The following RNF217 variants were observed in gnomAD, a reference collection of about 807,000 sequenced individuals.
The protein encoded by RNF217 is E3 ubiquitin-protein ligase RNF217.
RNF217 carries 31 observed loss-of-function variants against 57.8 expected under a neutral mutation model. That is an observed-to-expected ratio of 0.54 (90% CI 0.40 to 0.72). The LOEUF is 0.72. Among genes scored for constraint, RNF217 ranks in the 30% least tolerant of loss-of-function variants. The pLI is 0.00. For missense variants in RNF217, 696 were observed against 708.3 expected (o/e 0.98, Z 0.20); for synonymous variants, 313 against 294.0 (o/e 1.06, Z -0.66).
rs1582656046 is a variant in RNF217 at position 124,973,692 on chromosome 6, A to AG, written c.882+10267dup. Among the ~76,000 whole-genome samples, 3 of 152,244 alleles carry AG rather than the reference A, an allele frequency of 2.0e-5. No individual in the cohort carries two copies. The East Asian group carries it at 5.8e-4, about 29-fold the overall frequency. ...AAACCCCAATGACTTGCATCAATCC[A>AG]GTGAACTACTGTGGCCTGAGTCTTT... On this transcript the variant is annotated intron_variant, in intron 1 of 5. Coordinates refer to ENST00000521654, the MANE Select transcript of RNF217 (RefSeq NM_001286398.3).
Position 124,977,611 on chromosome 6 carries a change from C to T in RNF217, c.882+14185C>T, listed in dbSNP as rs114893014. Among the ~76,000 whole-genome samples the T allele has an allele frequency of 4.1e-3, 627 of 152,252 alleles. 1 individual carries two copies. Among genetic ancestry groups the T allele is most frequent in the African/African-American group, 0.014 (599 of 41,540 alleles). On this transcript the variant is annotated intron_variant, in intron 1 of 5. Coordinates refer to ENST00000521654, the MANE Select transcript of RNF217 (RefSeq NM_001286398.3). ...CTTATTACAATCTAAATGGATTTGACAGAGCTCTGTTGGTTTGCTTAGGGT... is the reference window on the plus strand; with the variant it reads ...CTTATTACAATCTAAATGGATTTGATAGAGCTCTGTTGGTTTGCTTAGGGT...
At chr6:125,046,048 T>C (rs1448029763) in intron 2 of RNF217, among the ~76,000 whole-genome samples, 1 of 151,960 alleles carries the variant, frequency 6.6e-6, no homozygotes, top group Non-Finnish European at 1.5e-5. Context: ...TTGAGGACAC[T>C]TGAAGGAGGG....
intron 1 of RNF217, among the ~76,000 whole-genome samples, chr6:125,021,456 G>A (rs548068316): frequency 2.4e-4 from 36 of 151,860 alleles, no homozygotes; most frequent in Non-Finnish European, 5.0e-4. Context: ...TAGTAGAGAC[G>A]GGGTTTCACC....
chr6:125,079,476 A>G (rs1028005373), intron 4 of RNF217, among the ~76,000 whole-genome samples: 2 of 151,950 alleles, frequency 1.3e-5, no homozygotes, highest in Non-Finnish European at 2.9e-5. Flanking sequence ...GCCAGAATTG[A>G]AGAAATACAA....
intron 1 of RNF217, among the ~76,000 whole-genome samples, chr6:125,024,719 C>CAA (rs35985972): frequency 1.1e-3 from 89 of 83,530 alleles, no homozygotes; most frequent in Middle Eastern, 7.9e-3. Flanking sequence ...GACTCTGTCT[C>CAA]AAAAAAAAAA....
At chr6:124,994,675 C>A (rs533066693) in intron 1 of RNF217, among the ~76,000 whole-genome samples, 1 of 152,316 alleles carries the variant, frequency 6.6e-6, no homozygotes, top group East Asian at 1.9e-4. Context: ...TATCCTCAAA[C>A]TACTACATCC....
chr6:125,052,854 G>A (rs1373403891), intron 2 of RNF217, among the ~76,000 whole-genome samples: 2 of 152,070 alleles, frequency 1.3e-5, no homozygotes, highest in Admixed American at 1.3e-4. Context: ...TGACAGCCAT[G>A]ATTTTTACAT....
At chr6:125,053,674 A>C (rs147726791) in intron 2 of RNF217, among the ~76,000 whole-genome samples, 9 of 152,036 alleles carry the variant, frequency 5.9e-5, no homozygotes, top group Non-Finnish European at 1.3e-4. Context: ...AGAAAATGCC[A>C]TTTTCTTAGG....
intron 1 of RNF217, among the ~76,000 whole-genome samples, chr6:125,000,774 T>G (rs1270619887): frequency 6.6e-6 from 1 of 152,110 alleles, no homozygotes; most frequent in Non-Finnish European, 1.5e-5. Flanking sequence ...TCTAGCAGTG[T>G]GCCGTATTAC....
chr6:125,080,470 G>A (rs1788532295), intron 4 of RNF217, among the ~76,000 whole-genome samples: 1 of 151,992 alleles, frequency 6.6e-6, no homozygotes, highest in South Asian at 2.1e-4. Flanking sequence ...CTAAATTACT[G>A]TCCTTTAATT....
chr6:125,038,028 C>T (rs1562480539), intron 1 of RNF217, among the ~76,000 whole-genome samples: 1 of 152,128 alleles, frequency 6.6e-6, no homozygotes, highest in Non-Finnish European at 1.5e-5. Flanking sequence ...TTCCAGAGGT[C>T]TTCATCACCT....
At chr6:125,026,288 A>G (rs1018151152) in intron 1 of RNF217, among the ~76,000 whole-genome samples, 7 of 152,164 alleles carry the variant, frequency 4.6e-5, no homozygotes, top group African/African-American at 1.7e-4. Context: ...ATTGAATTAA[A>G]GCTTTAGTAC....
chr6:125,065,204 T>A (rs1367470310), intron 3 of RNF217, among the ~76,000 whole-genome samples: 1 of 146,906 alleles, frequency 6.8e-6, no homozygotes, highest in Non-Finnish European at 1.5e-5. Context: ...GGCAGGAGAA[T>A]GGCTTGAACC....
intron 3 of RNF217, among the ~76,000 whole-genome samples, chr6:125,059,008 A>G (rs1392023830): frequency 1.3e-5 from 2 of 152,192 alleles, no homozygotes; most frequent in Non-Finnish European, 2.9e-5. Context: ...GAATTGCCAG[A>G]AAATGTTTAA....
chr6:125,025,179 T>G (rs1786025593), intron 1 of RNF217, among the ~76,000 whole-genome samples: 1 of 152,204 alleles, frequency 6.6e-6, no homozygotes, highest in African/African-American at 2.4e-5. Context: ...GGACATTTAG[T>G]AACCAGAAGG....
chr6:124,979,996 A>G (rs1259353248), intron 1 of RNF217, among the ~76,000 whole-genome samples: 4 of 152,202 alleles, frequency 2.6e-5, no homozygotes, highest in Non-Finnish European at 5.9e-5. Context: ...ACGTCCTTGC[A>G]GCCTTTCTAT....
At chr6:125,080,916 C>T (rs1788551248) in intron 4 of RNF217, among the ~76,000 whole-genome samples, 1 of 151,964 alleles carries the variant, frequency 6.6e-6, no homozygotes. Context: ...ATTTTTAGTT[C>T]AGTCTGTTAG....
chr6:125,086,911 A>G lies in RNF217; in HGVS notation c.*3974A>G, dbSNP rs1210247056. On this transcript the variant is annotated 3_prime_UTR_variant, in exon 6 of 6. Coordinates refer to ENST00000521654, the MANE Select transcript of RNF217 (RefSeq NM_001286398.3). ...GCTCCAATTGAGCCTTTATCTTTCAACCTTACCACCCAAGTATATGACCAA... is the reference window on the plus strand; with the variant it reads ...GCTCCAATTGAGCCTTTATCTTTCAGCCTTACCACCCAAGTATATGACCAA... The G allele has an allele frequency of 1.3e-5, 2 of 152,192 alleles. No homozygotes were observed. Among genetic ancestry groups the G allele is most frequent in the Admixed American group, 6.6e-5 (1 of 15,264 alleles). 9.4% of individuals were successfully genotyped at this position (152,192 alleles called of 1,614,324 possible).
At position 124,963,413 on chromosome 6, in the gene RNF217, A is replaced by G; in HGVS notation, c.869A>G (p.Tyr290Cys). 1 of 1,465,828 alleles carries G rather than the reference A, an allele frequency of 6.8e-7. No individual in the cohort carries two copies. Among genetic ancestry groups the G allele is most frequent in the South Asian group, 1.4e-5 (1 of 72,384 alleles). 90.8% of individuals were successfully genotyped at this position (1,465,828 alleles called of 1,614,324 possible). ...KAVCEECLKV[Y>C]LSAQVQLGQV... ...GTGTGCGAGGAGTGCCTCAAAGTCTACCTGAGCGCCCAGGTAACTTCACCC... is the reference window on the plus strand; with the variant it reads ...GTGTGCGAGGAGTGCCTCAAAGTCTGCCTGAGCGCCCAGGTAACTTCACCC... Residue 290 changes from tyrosine (Y) to cysteine (C), a missense_variant, in exon 1 of 6, where the codon TAC (tyrosine) becomes TGC (cysteine). By Grantham distance (194) the Tyr-to-Cys change is radical. Coordinates refer to ENST00000521654, the MANE Select transcript of RNF217 (RefSeq NM_001286398.3).
Sources: allele counts gnomAD v4.1 joint callset (sites outside exome capture counted in the v4.1 genomes callset), GRCh38; gene constraint gnomAD v4.1.1; transcripts MANE v1.5; gene names NCBI Gene and HGNC (gene_info 2026-07-23, HGNC 2026-07-21).